NLGN1: variants seen among roughly 807,000 people sequenced by gnomAD.
The protein encoded by NLGN1 is neuroligin-1.
NLGN1 carries 12 observed loss-of-function variants against 65.5 expected under a neutral mutation model. The ratio of observed to expected loss-of-function variants is 0.18; its 90% CI spans 0.12 to 0.30. NLGN1 has a LOEUF of 0.30. Ranked by LOEUF, NLGN1 falls within the 10% of genes least tolerant of loss-of-function variation. The pLI, the probability that NLGN1 is intolerant of heterozygous loss-of-function variation, is 1.00. For missense variants in NLGN1, 750 were observed against 1,007.1 expected, an observed-to-expected ratio of 0.74 and a Z score of 3.46; for synonymous variants, 350 against 359.5, an observed-to-expected ratio of 0.97 and a Z score of 0.30.
At chr3:173,666,747 C>T (rs1324572912) in intron 3 of NLGN1, among the ~76,000 whole-genome samples, 2 of 152,114 alleles carry the variant, frequency 1.3e-5, no homozygotes, top group Non-Finnish European at 1.5e-5. Context: ...TGAATACTAA[C>T]TAAAATGTCA....
upstream of NLGN1, chr3:173,397,651 CT>C (rs1716849450): frequency 6.5e-6 from 1 of 152,948 alleles, no homozygotes; most frequent in Non-Finnish European, 1.5e-5. Flanking sequence ...CGGCTCCCCA[CT>C]TGCCCCAGCT....
At chr3:173,643,652 A>C (rs892357883) in intron 3 of NLGN1, among the ~76,000 whole-genome samples, 1 of 152,190 alleles carries the variant, frequency 6.6e-6, no homozygotes, top group African/African-American at 2.4e-5. Context: ...TGTGAAAGTT[A>C]CTGAGCTTTA....
chr3:173,989,056 A>G (rs1720544419), intron 4 of NLGN1, among the ~76,000 whole-genome samples: 1 of 152,194 alleles, frequency 6.6e-6, no homozygotes. Context: ...TGGTAAATTC[A>G]CCAGACTTTG....
chr3:174,199,688 C>A (rs1734090437), intron 4 of NLGN1, among the ~76,000 whole-genome samples: 1 of 152,078 alleles, frequency 6.6e-6, no homozygotes, highest in African/African-American at 2.4e-5. Context: ...GAAACTTTCT[C>A]CTCATTATCA....
intron 3 of NLGN1, among the ~76,000 whole-genome samples, chr3:173,725,942 C>T (rs1480208167): frequency 6.6e-6 from 1 of 152,144 alleles, no homozygotes; most frequent in Non-Finnish European, 1.5e-5. Flanking sequence ...ATAGGCAGTT[C>T]AGTGCATGCT....
intron 4 of NLGN1, among the ~76,000 whole-genome samples, chr3:173,921,425 TAAA>T (rs1490063103): frequency 6.6e-6 from 1 of 151,264 alleles, no homozygotes; most frequent in African/African-American, 2.4e-5. Flanking sequence ...CATTTACACG[TAAA>T]AAAATGGTTT....
At chr3:174,202,179 T>G (rs528556082) in intron 4 of NLGN1, among the ~76,000 whole-genome samples, 1 of 152,270 alleles carries the variant, frequency 6.6e-6, no homozygotes, top group Admixed American at 6.5e-5. Flanking sequence ...ACTTGAGGAA[T>G]TGGGAATAAA....
At chr3:173,580,087 G>C (rs1024618171) in intron 2 of NLGN1, among the ~76,000 whole-genome samples, 5 of 151,902 alleles carry the variant, frequency 3.3e-5, no homozygotes, top group African/African-American at 1.2e-4. Context: ...GAATTGATTT[G>C]ACCTGGTCAT....
In NLGN1 at chr3:174,111,318, G is replaced by A. The variant is rs555000230; in HGVS notation, c.647-163997G>A. Among the ~76,000 whole-genome samples the A allele has an allele frequency of 7.2e-5, 11 of 151,902 alleles. No individual in the cohort carries two copies. The East Asian group carries it at 1.4e-3, about 19-fold the overall frequency. ...TAGTTAATTCTTATCTGAATTGATC[G>A]TATGTAAGAATGGAGACCAAAAATC... On this transcript the variant is annotated intron_variant, in intron 4 of 6. Coordinates refer to ENST00000457714, the Ensembl canonical transcript of NLGN1.
At chr3:174,116,903 G>T (rs150124982) in intron 4 of NLGN1, among the ~76,000 whole-genome samples, 30 of 152,072 alleles carry the variant, frequency 2.0e-4, no homozygotes, top group African/African-American at 5.5e-4. Context: ...TATGAAAAAA[G>T]ATTTCTATTC....
intron 3 of NLGN1, among the ~76,000 whole-genome samples, chr3:173,628,439 A>G (rs182165854): frequency 1.3e-5 from 2 of 152,172 alleles, no homozygotes; most frequent in African/African-American, 2.4e-5. Flanking sequence ...CTATGATTCA[A>G]TAAAAATAAA....
chr3:173,747,795 C>CTTCTTTTTT (rs1560289220), intron 3 of NLGN1, among the ~76,000 whole-genome samples: 14 of 78,608 alleles, frequency 1.8e-4, no homozygotes, highest in African/African-American at 8.7e-4. Flanking sequence ...TCTTCTTCTT[C>CTTCTTTTTT]TTGTTCTTTT....
chr3:173,729,608 G>A (rs1272190127), intron 3 of NLGN1, among the ~76,000 whole-genome samples: 3 of 151,950 alleles, frequency 2.0e-5, no homozygotes, highest in Non-Finnish European at 4.4e-5. Flanking sequence ...TGCCTTTGAT[G>A]GAATGCAAAT....
intron 4 of NLGN1, among the ~76,000 whole-genome samples, chr3:174,061,581 G>T (rs924675316): frequency 6.6e-6 from 1 of 152,074 alleles, no homozygotes; most frequent in Non-Finnish European, 1.5e-5. Context: ...TTCTTTAAAG[G>T]ATCTAAAGGA....
intron 4 of NLGN1, 119 bp downstream of exon 4, chr3:173,807,951 T>C (rs1240686369): frequency 3.7e-5 from 35 of 942,450 alleles, no homozygotes; most frequent in Non-Finnish European, 5.5e-5. Flanking sequence ...GTGTTGACAT[T>C]CTCGAGCCCA....
intron 4 of NLGN1, among the ~76,000 whole-genome samples, chr3:174,101,198 C>T (rs1186875830): frequency 6.6e-6 from 1 of 152,094 alleles, no homozygotes; most frequent in Non-Finnish European, 1.5e-5. Context: ...GCACCTGGTA[C>T]ATTTTAGGTT....
chr3:173,574,234 T>C (rs577070323), intron 2 of NLGN1, among the ~76,000 whole-genome samples: 1 of 152,106 alleles, frequency 6.6e-6, no homozygotes, highest in Non-Finnish European at 1.5e-5. Context: ...AAATGTGCTC[T>C]TTTTATAAGG....
At chr3:173,514,326 C>T (rs1298716181) in intron 2 of NLGN1, among the ~76,000 whole-genome samples, 1 of 151,918 alleles carries the variant, frequency 6.6e-6, no homozygotes, top group African/African-American at 2.4e-5. Context: ...TTTAGTGCAC[C>T]TGTCACCCAA....
intron 2 of NLGN1, among the ~76,000 whole-genome samples, chr3:173,444,559 A>T (rs771976813): frequency 6.6e-5 from 10 of 152,276 alleles, no homozygotes; most frequent in African/African-American, 9.6e-5. Flanking sequence ...CTTTCAAAAA[A>T]ATATATATAT....
Sources: gnomAD v4.1 joint callset for allele counts (sites outside exome capture counted in the v4.1 genomes callset) on GRCh38, gnomAD v4.1.1 for gene constraint, MANE v1.5 for transcripts, NCBI Gene and HGNC (gene_info 2026-07-23, HGNC 2026-07-21) for gene names.